The following MLLT3 variants were observed in gnomAD, a reference collection of about 807,000 sequenced individuals.
MLLT3 encodes MLLT3 super elongation complex subunit, also known as protein AF-9.
In MLLT3, 4 loss-of-function variants were observed where a neutral mutation model predicts 53.2. The ratio of observed to expected loss-of-function variants is 0.08; its 90% confidence interval spans 0.04 to 0.17. The LOEUF is 0.17. MLLT3 is among the 10% of genes least tolerant of loss of function. The pLI, the probability that MLLT3 is intolerant of heterozygous loss-of-function variation, is 1.00. For missense variants in MLLT3, 569 were observed against 684.0 expected (o/e 0.83, Z 1.87); for synonymous variants, 283 against 230.6 (o/e 1.23, Z -2.06).
intron 5 of MLLT3, chr9:20,380,083 T>C (rs1443897375): frequency 6.6e-6 from 1 of 152,084 alleles, no homozygotes; most frequent in Non-Finnish European, 1.5e-5. Flanking sequence ...TTGACAGTTT[T>C]ACAGGCTGTT....
Position 20,346,506 on chromosome 9 carries a change from G to A in MLLT3, c.1644C>T (p.Cys548=). The part of the protein sequence containing the change: ...ITNTTFDFDL[C]SLDKTTVRKL... ...TACGGACTGTGGTTTTGTCCAGCGA[G>A]CAAAGATCAAAATCAAATGTTGTGT... Residue 548 remains cysteine, a synonymous_variant, in exon 11 of 11, where the codon TGC becomes TGT. Coordinates refer to ENST00000380338, the MANE Select transcript of MLLT3 (RefSeq NM_004529.4). 5 of 1,613,472 alleles carry A rather than the reference G, an allele frequency of 3.1e-6. No homozygotes were observed. Among genetic ancestry groups the A allele is most frequent in the Non-Finnish European group, 4.2e-6 (5 of 1,179,564 alleles).
In MLLT3 at chr9:20,343,953, C is replaced by T. The variant is rs1168706796; in HGVS notation, c.*2490G>A. On this transcript the variant is annotated 3_prime_UTR_variant, in exon 11 of 11. Transcript: ENST00000380338. ...TCTGTATTTAAAAATTAGATGAGAG[C>T]AAGATTACCACTTCAAAAAAAATAA... is the stretch of plus-strand genomic sequence containing the variant. 13 of 203,170 alleles carry T rather than the reference C, an allele frequency of 6.4e-5. No homozygotes were observed. Among genetic ancestry groups the T allele is most frequent in the African/African-American group, 2.7e-4 (12 of 43,734 alleles). The allele number at this position is 203,170 out of a possible 1,614,324, so 12.6% of individuals were successfully genotyped here. A position where few individuals can be genotyped will look rare whatever the true frequency, so the allele number is the denominator to read the frequency against.
intron 5 of MLLT3, among the ~76,000 whole-genome samples, chr9:20,396,761 A>G (rs901414153): frequency 1.3e-5 from 2 of 152,144 alleles, no homozygotes; most frequent in Admixed American, 6.6e-5. Flanking sequence ...TGAGGTATGT[A>G]TGACACTGTC....
intron 2 of MLLT3, among the ~76,000 whole-genome samples, chr9:20,486,000 G>T (rs1328878167): frequency 1.3e-5 from 2 of 151,994 alleles, no homozygotes; most frequent in Non-Finnish European, 2.9e-5. Flanking sequence ...AAAATAATAA[G>T]AATTTCCACA....
chr9:20,622,260 TG>T lies in MLLT3; in HGVS notation c.-5del. 2 of 1,597,136 alleles carry T rather than the reference TG, an allele frequency of 1.3e-6. No individual in the cohort carries two copies. Among genetic ancestry groups the T allele is most frequent in the Admixed American group, 1.7e-5 (1 of 58,308 alleles). On this transcript the variant is annotated 5_prime_UTR_variant, in exon 1 of 11. Coordinates refer to ENST00000380338, the MANE Select transcript of MLLT3 (RefSeq NM_004529.4). The stretch of plus-strand genomic sequence containing the variant: ...GCGTACTTACCGAGCTAGCCATGCC[TG>T]GGGGCCCGGAGGTTTGCTGGGGTGT...
chr9:20,441,600 G>A (rs576706147), intron 4 of MLLT3, among the ~76,000 whole-genome samples: 10 of 152,154 alleles, frequency 6.6e-5, no homozygotes, highest in Admixed American at 2.0e-4. Context: ...AGCCTGCTTC[G>A]TCTTACATTT....
intron 2 of MLLT3, among the ~76,000 whole-genome samples, chr9:20,487,452 T>C (rs1016112629): frequency 2.6e-5 from 4 of 151,340 alleles, no homozygotes; most frequent in African/African-American, 7.4e-5. Context: ...GAGAAGCTTA[T>C]GGCCACTCGT....
intron 2 of MLLT3, among the ~76,000 whole-genome samples, chr9:20,588,764 G>C (rs1311686433): frequency 6.6e-6 from 1 of 151,342 alleles, no homozygotes; most frequent in African/African-American, 2.4e-5. Context: ...GGGTTTTCTA[G>C]ATATACAATC....
At chr9:20,440,305 A>G (rs1473051721) in intron 4 of MLLT3, among the ~76,000 whole-genome samples, 2 of 152,182 alleles carry the variant, frequency 1.3e-5, no homozygotes, top group Non-Finnish European at 2.9e-5. Flanking sequence ...AGGTTTTTAT[A>G]TTAAGCCACC....
intron 2 of MLLT3, among the ~76,000 whole-genome samples, chr9:20,458,727 C>T (rs916946721): frequency 3.9e-5 from 6 of 152,168 alleles, no homozygotes; most frequent in African/African-American, 7.2e-5. Flanking sequence ...GTCTCCAGAA[C>T]TGTGAGAAAT....
chr9:20,495,613 G>A (rs1052394573), intron 2 of MLLT3, among the ~76,000 whole-genome samples: 1 of 151,980 alleles, frequency 6.6e-6, no homozygotes. Context: ...TTACACAACC[G>A]GAACTAGATT....
At chr9:20,447,621 C>T (rs563955530) in intron 4 of MLLT3, among the ~76,000 whole-genome samples, 3 of 152,278 alleles carry the variant, frequency 2.0e-5, no homozygotes, top group East Asian at 3.9e-4. Flanking sequence ...AAGGAAAATC[C>T]ATCTTTTATC....
chr9:20,504,736 T>G (rs1182237159), intron 2 of MLLT3, among the ~76,000 whole-genome samples: 3 of 152,126 alleles, frequency 2.0e-5, no homozygotes, highest in Non-Finnish European at 4.4e-5. Context: ...ATTTTAAGTC[T>G]TCTCACCACA....
At chr9:20,353,476 C>A in intron 10 of MLLT3, 49 bp downstream of exon 10, 1 of 1,540,198 alleles carries the variant, frequency 6.5e-7, no homozygotes, top group Non-Finnish European at 9.0e-7. Context: ...GCAGGACAAA[C>A]CAAGTCTTGA....
chr9:20,399,670 T>A (rs1284500302), intron 5 of MLLT3, among the ~76,000 whole-genome samples: 2 of 152,022 alleles, frequency 1.3e-5, no homozygotes, highest in African/African-American at 4.8e-5. Context: ...GAATCATGGA[T>A]TGCTAATATT....
In MLLT3 at chr9:20,620,293, A is replaced by ACACGCGCG. The variant is rs1176274864; in HGVS notation, c.193+360_193+361insCGCGCGTG. ...CACACACACACACACACACACACAC[A>ACACGCGCG]CGCGCAAAGTGTTTATTCCCTCCAG... is the stretch of plus-strand genomic sequence containing the variant. On this transcript the variant is annotated intron_variant, in intron 2 of 10. Coordinates refer to ENST00000380338, the MANE Select transcript of MLLT3 (RefSeq NM_004529.4). This position sits in a 1 kb window ranked among gnomAD's most constrained non-coding sequence, Gnocchi z 6.1. 5.5e-5 allele frequency among the ~76,000 whole-genome samples: 8 copies of ACACGCGCG among 146,080 alleles called. No homozygotes were observed. Among genetic ancestry groups the ACACGCGCG allele is most frequent in the African/African-American group, 1.8e-4 (7 of 39,938 alleles).
chr9:20,621,903 GT>G lies in MLLT3; in HGVS notation c.12+341del. Reference sequence around the variant, plus strand: ...GAGTTATTATTCGCCTCCTTCCACCGTGTGTGTGTGTGTGTGTGAGTGCGCG... The same window carrying G: ...GAGTTATTATTCGCCTCCTTCCACCGGTGTGTGTGTGTGTGTGAGTGCGCG... On this transcript the variant is annotated intron_variant, in intron 1 of 10. Transcript: ENST00000380338. This position sits in a 1 kb window ranked among gnomAD's most constrained non-coding sequence, Gnocchi z 7.0. The G allele has an allele frequency of 1.9e-6, 1 of 518,080 alleles. No individual in the cohort carries two copies. 32.1% of individuals were successfully genotyped at this position (518,080 alleles called of 1,614,324 possible). A position where few individuals can be genotyped will look rare whatever the true frequency, so the allele number is the denominator to read the frequency against.
At position 20,622,406 on chromosome 9, in the gene MLLT3, C is replaced by T. The variant is rs1013981272; in HGVS notation, c.-150G>A. The T allele has an allele frequency of 5.6e-6, 4 of 717,558 alleles. No individual in the cohort carries two copies. The highest frequency in any genetic ancestry group is 5.5e-5 in the African/African-American group (3 of 54,254). The allele number at this position is 717,558 out of a possible 1,614,324, so 44.4% of individuals were successfully genotyped here. Reference sequence around the variant, plus strand: ...GCGGACATTCTCTGCCTTTTTCCCCCCGCGCTCGCTTGCTCGCTCGCTCGC... The same window carrying T: ...GCGGACATTCTCTGCCTTTTTCCCCTCGCGCTCGCTTGCTCGCTCGCTCGC... On this transcript the variant is annotated 5_prime_UTR_variant, in exon 1 of 11. Transcript: ENST00000380338.
chr9:20,377,004 G>C (rs1821782639), intron 5 of MLLT3, among the ~76,000 whole-genome samples: 1 of 152,168 alleles, frequency 6.6e-6, no homozygotes, highest in Admixed American at 6.5e-5. Flanking sequence ...TAGTTGTGAT[G>C]CCAAAGACAT....
Sources: allele counts gnomAD v4.1 joint callset (sites outside exome capture counted in the v4.1 genomes callset), GRCh38; gene constraint gnomAD v4.1.1; non-coding constraint Gnocchi (gnomAD v3.1); transcripts MANE v1.5; gene names NCBI Gene and HGNC (gene_info 2026-07-23, HGNC 2026-07-21).